The following ZNF600 variants were observed in gnomAD, a reference collection of about 807,000 sequenced individuals.
The protein encoded by ZNF600 is zinc finger protein KR-ZNF1.
Under a neutral mutation model 7.3 loss-of-function variants are expected in ZNF600, and 4 were observed. The observed-to-expected ratio is 0.55, with a 90% CI of 0.27 to 1.25. The LOEUF (loss-of-function observed/expected upper bound fraction) is 1.25. Among genes scored for constraint, ZNF600 ranks in the 50% most tolerant of loss-of-function variants. The pLI, the probability that ZNF600 is intolerant of heterozygous loss-of-function variation, is 0.12. For missense variants in ZNF600, 911 were observed against 922.1 expected (o/e 0.99, Z 0.16); for synonymous variants, 290 against 308.9 (o/e 0.94, Z 0.64).
exon 4 of ZNF600, chr19:52,766,544 A>G: frequency 1.2e-6 from 2 of 1,614,124 alleles, no homozygotes; most frequent in East Asian, 2.2e-5. Flanking sequence ...GAATTCTAGT[A>G]TGTCTTACCA....
chr19:52,810,421 G>A, the ZNF600 span: 43 of 1,603,666 alleles, frequency 2.7e-5, no homozygotes, highest in Non-Finnish European at 3.6e-5. Context: ...AAATTTAGTG[G>A]CCATCCCAAA....
chr19:52,786,370 G>T (rs2062763702), intron 1 of ZNF600, among the ~76,000 whole-genome samples: 1 of 152,144 alleles, frequency 6.6e-6, no homozygotes, highest in African/African-American at 2.4e-5. Flanking sequence ...GGGGCGCCGC[G>T]CTCCAGGTGC....
At chr19:52,817,337 A>G in the ZNF600 span, among the ~76,000 whole-genome samples, 1 of 152,110 alleles carries the variant, frequency 6.6e-6, no homozygotes, top group African/African-American at 2.4e-5. Context: ...ACGCCATTGC[A>G]CTCCAGCCTG....
chr19:52,802,619 G>T, the ZNF600 span, among the ~76,000 whole-genome samples: 3 of 152,078 alleles, frequency 2.0e-5, no homozygotes, highest in Non-Finnish European at 2.9e-5. Flanking sequence ...AAAGATTGTG[G>T]TGAGTTGAGA....
exon 4 of ZNF600, chr19:52,766,292 A>G (rs1330361781): frequency 2.5e-6 from 4 of 1,614,158 alleles, no homozygotes; most frequent in Middle Eastern, 1.6e-4. Context: ...GAATTCTAGT[A>G]TGTTTTGCCA....
At chr19:52,796,853 C>T in the ZNF600 span, among the ~76,000 whole-genome samples, 4 of 152,124 alleles carry the variant, frequency 2.6e-5, no homozygotes, top group Non-Finnish European at 2.9e-5. Context: ...ACTGATTTTA[C>T]CCTTCTGAGT....
At position 52,765,762 on chromosome 19, in the gene ZNF600, G is replaced by A. The variant is rs1436981618; in HGVS notation, c.2201C>T (p.Pro734Leu). The change falls in exon 4 of 4, where the codon CCA (proline) becomes CTA (leucine). Residue 734 changes from proline to leucine, a missense_variant. Coordinates refer to ENST00000648973, the Ensembl canonical transcript of ZNF600. ...CTTGTCACAAACCTTACATTTGTAT[G>A]GTTTCTTTCCAGGATGAATTCTCCT... 5 of 1,613,808 alleles carry A rather than the reference G, an allele frequency of 3.1e-6. No homozygotes were observed. In the Admixed American group the frequency reaches 6.7e-5, roughly 22 times the overall value.
chr19:52,794,252 GT>G, the ZNF600 span, among the ~76,000 whole-genome samples: 1 of 152,088 alleles, frequency 6.6e-6, no homozygotes, highest in Admixed American at 6.6e-5. Flanking sequence ...GTATTTGTGG[GT>G]TTTTTTACAT....
intron 1 of ZNF600, among the ~76,000 whole-genome samples, chr19:52,783,990 G>A (rs1268347155): frequency 2.0e-5 from 3 of 151,998 alleles, no homozygotes; most frequent in Non-Finnish European, 2.9e-5. Context: ...CAAGAGAATC[G>A]CTTCAACCCT....
At chr19:52,787,895 A>T (rs571567351), upstream of ZNF600, among the ~76,000 whole-genome samples, 1 of 149,360 alleles carries the variant, frequency 6.7e-6, no homozygotes, top group African/African-American at 2.5e-5. Flanking sequence ...AAAAAGAAAT[A>T]TCTCCCCTAG....
chr19:52,774,723 C>T, intron 2 of ZNF600, 22 bp from the exon 5 acceptor site: 1 of 985,380 alleles, frequency 1.0e-6, no homozygotes, highest in East Asian at 1.1e-4. Context: ...CACACATTTC[C>T]ACAAAACATT....
the ZNF600 span, chr19:52,809,804 G>A: frequency 3.8e-6 from 2 of 522,666 alleles, no homozygotes; most frequent in Non-Finnish European, 6.7e-6. Flanking sequence ...AAAAAAAGGA[G>A]CCCAGTCTGA....
chr19:52,800,362 A>G, the ZNF600 span: 7 of 1,613,932 alleles, frequency 4.3e-6, no homozygotes, highest in African/African-American at 6.7e-5. Flanking sequence ...TTACATTTGT[A>G]TGGTTTCTCT....
exon 4 of ZNF600, chr19:52,767,531 G>A (rs1290297155): frequency 6.8e-6 from 11 of 1,614,144 alleles, no homozygotes; most frequent in African/African-American, 1.3e-5. Context: ...CAGCATGCCT[G>A]TGATCATGTT....
At chr19:52,822,210 C>T in the ZNF600 span, among the ~76,000 whole-genome samples, 11 of 150,898 alleles carry the variant, frequency 7.3e-5, no homozygotes, top group South Asian at 1.3e-3. Context: ...GTAGCTGGCA[C>T]TACAGGCACA....
chr19:52,792,531 C>T, the ZNF600 span, among the ~76,000 whole-genome samples: 5 of 151,856 alleles, frequency 3.3e-5, no homozygotes, highest in African/African-American at 7.2e-5. Context: ...CCAGCCTGGG[C>T]GACAAAACGA....
upstream of ZNF600, among the ~76,000 whole-genome samples, chr19:52,787,235 C>G (rs570178834): frequency 1.3e-5 from 2 of 152,032 alleles, no homozygotes; most frequent in Non-Finnish European, 2.9e-5. Context: ...CACCTGCTGC[C>G]TAAACACAGC....
chr19:52,808,465 A>G, the ZNF600 span, among the ~76,000 whole-genome samples: 1 of 152,154 alleles, frequency 6.6e-6, no homozygotes, highest in Non-Finnish European at 1.5e-5. Context: ...GTCTTAAAAG[A>G]TGACAATGTC....
the ZNF600 span, among the ~76,000 whole-genome samples, chr19:52,811,884 A>T: frequency 4.5e-3 from 405 of 89,154 alleles, no homozygotes; most frequent in Middle Eastern, 0.016. Context: ...TCCGGGAGGG[A>T]GGTGGGGGGG....
Sources: allele counts gnomAD v4.1 joint callset (sites outside exome capture counted in the v4.1 genomes callset), GRCh38; gene constraint gnomAD v4.1.1; transcripts MANE v1.5; gene names NCBI Gene and HGNC (gene_info 2026-07-23, HGNC 2026-07-21).